SOD3: variants seen among roughly 807,000 people sequenced by gnomAD.
SOD3 encodes the protein extracellular superoxide dismutase [Cu-Zn].
A neutral mutation model predicts 2.6 loss-of-function variants in SOD3; 3 were observed. The observed-to-expected ratio is 1.13, with a 90% CI of 0.52 to 2.93. The LOEUF is 2.93. SOD3 is among the 30% of genes most tolerant of loss of function. The pLI is 0.04. For synonymous variants in SOD3, 188 were observed against 177.5 expected, an observed-to-expected ratio of 1.06 and a Z score of -0.47; for missense variants, 379 against 370.4, an observed-to-expected ratio of 1.02 and a Z score of -0.19.
chr4:24,799,582 G>C lies in SOD3; in HGVS notation c.61G>C (p.Gly21Arg), dbSNP rs759591465. 4.4e-6 allele frequency: 7 copies of C among 1,603,340 alleles called. No homozygotes were observed. In the South Asian group the frequency reaches 7.7e-5, roughly 18 times the overall value. Reference sequence around the variant, plus strand: ...AGCCGGTGCCTCGGACGCCTGGACGGGCGAGGACTCGGCGGAGCCCAACTC... The same window carrying C: ...AGCCGGTGCCTCGGACGCCTGGACGCGCGAGGACTCGGCGGAGCCCAACTC... The part of the protein sequence containing the change: ...LAAGASDAWT[G>R]EDSAEPNSDS... The change falls in exon 2 of 2, where the codon GGC becomes CGC. Residue 21 changes from glycine (G) to arginine (R), a missense_variant. Coordinates refer to ENST00000382120, the MANE Select transcript of SOD3 (RefSeq NM_003102.4).
chr4:24,796,992 C>A (rs1425336160), intron 1 of SOD3, among the ~76,000 whole-genome samples: 1 of 152,144 alleles, frequency 6.6e-6, no homozygotes, highest in East Asian at 1.9e-4. Flanking sequence ...TTCCTGCCTA[C>A]TCCCTGGGGC....
At chr4:24,798,056 C>T (rs757189163) in intron 1 of SOD3, among the ~76,000 whole-genome samples, 41 of 151,412 alleles carry the variant, frequency 2.7e-4, no homozygotes, top group Non-Finnish European at 5.1e-4. Context: ...TTCTTTCTTT[C>T]CTCTTTCTTT....
At position 24,800,237 on chromosome 4, in the gene SOD3, C is replaced by G. The variant is rs752123942; in HGVS notation, c.716C>G (p.Ala239Gly). The change falls in exon 2 of 2, where the codon GCC becomes GGC. Residue 239 changes from alanine (A) to glycine (G), a missense_variant. Ala to Gly is a moderately conservative substitution (Grantham distance 60). Transcript: ENST00000382120. ...CGGCGGCGCGAGAGCGAGTGCAAGG[C>G]CGCCTGAGCGCGGCCCCCACCCGGC... ...KKRRRESECK[A>G]A 7 of 1,402,766 alleles carry G rather than the reference C, an allele frequency of 5.0e-6. 1 individual carries two copies. In the South Asian group the frequency reaches 1.1e-4, roughly 23 times the overall value. The allele number at this position is 1,402,766 out of a possible 1,614,324, so 86.9% of individuals were successfully genotyped here.
intron 1 of SOD3, among the ~76,000 whole-genome samples, chr4:24,796,518 A>G (rs1331907770): frequency 7.8e-6 from 1 of 127,480 alleles, no homozygotes; most frequent in African/African-American, 3.0e-5. Flanking sequence ...TGGCACGATC[A>G]CTATCACGGC....
intron 1 of SOD3, among the ~76,000 whole-genome samples, chr4:24,798,224 G>A (rs996185545): frequency 6.6e-6 from 1 of 151,942 alleles, no homozygotes; most frequent in Non-Finnish European, 1.5e-5. Flanking sequence ...TCTTCTAAGT[G>A]CCAGACCCAA....
Position 24,799,624 on chromosome 4 carries a change from A to T in SOD3, c.103A>T (p.Ile35Phe). Residue 35 changes from isoleucine to phenylalanine, a missense_variant, in exon 2 of 2, where the codon ATC (isoleucine) becomes TTC (phenylalanine). Transcript: ENST00000382120. ...GCCCAACTCTGACTCGGCGGAGTGG[A>T]TCCGAGACATGTACGCCAAGGTCAC... ...AEPNSDSAEW[I>F]RDMYAKVTEI... 6.2e-7 allele frequency: 1 copy of T among 1,604,970 alleles called. No individual in the cohort carries two copies. Among genetic ancestry groups the T allele is most frequent in the Non-Finnish European group, 8.5e-7 (1 of 1,178,476 alleles).
In SOD3 at chr4:24,800,139, C is replaced by T; in HGVS notation, c.618C>T (p.Ala206=). 7.2e-7 allele frequency: 1 copy of T among 1,385,694 alleles called. No individual in the cohort carries two copies. Among genetic ancestry groups the T allele is most frequent in the African/African-American group, 1.5e-5 (1 of 65,602 alleles). The allele number at this position is 1,385,694 out of a possible 1,614,324, so 85.8% of individuals were successfully genotyped here. A position where few individuals can be genotyped will look rare whatever the true frequency, so the allele number is the denominator to read the frequency against. The change falls in exon 2 of 2, where the codon GCC becomes GCT. Residue 206 remains alanine (A), a synonymous_variant. Transcript: ENST00000382120. ...VENGNAGRRL[A]CCVVGVCGPG... ...ACGGGAACGCGGGCCGGCGGCTGGCCTGCTGCGTGGTGGGCGTGTGCGGGC... is the reference window on the plus strand; with the variant it reads ...ACGGGAACGCGGGCCGGCGGCTGGCTTGCTGCGTGGTGGGCGTGTGCGGGC...
rs1219612902 is a variant in SOD3 at position 24,799,970 on chromosome 4, C to T, written c.449C>T (p.Ala150Val). 1 of 1,585,266 alleles carries T rather than the reference C, an allele frequency of 6.3e-7. No homozygotes were observed. Among genetic ancestry groups the T allele is most frequent in the Admixed American group, 1.7e-5 (1 of 58,446 alleles). ...PQHPGDFGNF[A>V]VRDGSLWRYR... is the part of the protein sequence containing the mutation. Reference sequence around the variant, plus strand: ...CACCCGGGCGACTTCGGCAACTTCGCGGTCCGCGACGGCAGCCTCTGGAGG... The same window carrying T: ...CACCCGGGCGACTTCGGCAACTTCGTGGTCCGCGACGGCAGCCTCTGGAGG... The change falls in exon 2 of 2, where the codon GCG (alanine) becomes GTG (valine). Residue 150 changes from alanine (A) to valine (V), a missense_variant. By Grantham distance (64) the Ala-to-Val change is moderately conservative. Transcript: ENST00000382120.
At chr4:24,796,582 G>T (rs1358086327) in intron 1 of SOD3, among the ~76,000 whole-genome samples, 1 of 148,884 alleles carries the variant, frequency 6.7e-6, no homozygotes, top group Non-Finnish European at 1.5e-5. Context: ...TCAACCTCCT[G>T]AGTAACTGGG....
chr4:24,796,513 C>T (rs887403366), intron 1 of SOD3, among the ~76,000 whole-genome samples: 7 of 135,582 alleles, frequency 5.2e-5, no homozygotes, highest in African/African-American at 1.4e-4. Flanking sequence ...TGTAGTGGCA[C>T]GATCACTATC....
intron 1 of SOD3, among the ~76,000 whole-genome samples, chr4:24,798,397 G>A (rs1713734332): frequency 6.6e-6 from 1 of 152,104 alleles, no homozygotes; most frequent in African/African-American, 2.4e-5. Context: ...CATCTGCACT[G>A]TGCCTTCATC....
chr4:24,800,164 C>A lies in SOD3; in HGVS notation c.643C>A (p.Pro215Thr). 2.8e-6 allele frequency: 4 copies of A among 1,415,814 alleles called. No homozygotes were observed. The highest frequency in any genetic ancestry group is 3.1e-5 in the Admixed American group (1 of 32,306). 87.7% of individuals were successfully genotyped at this position (1,415,814 alleles called of 1,614,324 possible). ...LACCVVGVCG[P>T]GLWERQAREH... ...CTGCTGCGTGGTGGGCGTGTGCGGG[C>A]CCGGGCTCTGGGAGCGCCAGGCGCG... is the stretch of plus-strand genomic sequence containing the variant. Residue 215 changes from proline to threonine, a missense_variant, in exon 2 of 2, where the codon CCC becomes ACC. Physicochemically the swap from Pro to Thr is conservative, Grantham distance 38. Transcript: ENST00000382120.
rs141725493 is a variant in SOD3, at chr4:24,799,089, C to T, written c.-16-417C>T. Among the ~76,000 whole-genome samples the T allele has an allele frequency of 5.4e-3, 822 of 152,178 alleles. 6 individuals are homozygous for T. The highest frequency in any genetic ancestry group is 5.6e-3 in the Non-Finnish European group (384 of 68,020). On this transcript the variant is annotated intron_variant, in intron 1 of 1. Transcript: ENST00000382120. ...GTAGCACATGCAAAGCCCCAGAAGGCAGGGACAGAAGCCTTAGGGATGTCT... is the reference window on the plus strand; with the variant it reads ...GTAGCACATGCAAAGCCCCAGAAGGTAGGGACAGAAGCCTTAGGGATGTCT...
chr4:24,798,438 T>G (rs1270467568), intron 1 of SOD3, among the ~76,000 whole-genome samples: 1 of 152,090 alleles, frequency 6.6e-6, no homozygotes, highest in Non-Finnish European at 1.5e-5. Flanking sequence ...CCGGTGTGTC[T>G]CTTAAACCCA....
intron 1 of SOD3, among the ~76,000 whole-genome samples, chr4:24,797,899 A>G (rs1560189323): frequency 6.6e-6 from 1 of 152,202 alleles, no homozygotes; most frequent in East Asian, 1.9e-4. Context: ...GCCTTATTCT[A>G]CAGGTAAGGA....
At position 24,799,710 on chromosome 4, in the gene SOD3, C is replaced by A; in HGVS notation, c.189C>A (p.Cys63Ter). The change falls in exon 2 of 2, where the codon TGC becomes TGA. Residue 63 changes from cysteine to a stop codon, truncating the protein, a stop_gained. Coordinates refer to ENST00000382120, the MANE Select transcript of SOD3 (RefSeq NM_003102.4). LOFTEE classifies it high-confidence loss of function. Reference sequence around the variant, plus strand: ...ACGACGGCGCGCTCCACGCCGCCTGCCAGGTGCAGCCGTCGGCCACGCTGG... The same window carrying A: ...ACGACGGCGCGCTCCACGCCGCCTGACAGGTGCAGCCGTCGGCCACGCTGG... ...RDDDGALHAACQVQPSATLDA... is the reference protein window; with the variant it reads ...RDDDGALHAA The A allele has an allele frequency of 6.4e-7, 1 of 1,569,974 alleles. No homozygotes were observed.
chr4:24,799,581 G>T lies in SOD3; in HGVS notation c.60G>T (p.Thr20=), dbSNP rs760354348. The T allele has an allele frequency of 3.1e-6, 5 of 1,603,008 alleles. No homozygotes were observed. Among genetic ancestry groups the T allele is most frequent in the Non-Finnish European group, 3.4e-6 (4 of 1,178,834 alleles). ...CAGCCGGTGCCTCGGACGCCTGGAC[G>T]GGCGAGGACTCGGCGGAGCCCAACT... The part of the protein sequence containing the change: ...LLAAGASDAW[T]GEDSAEPNSD... Residue 20 remains threonine (T), a synonymous_variant, in exon 2 of 2, where the codon ACG becomes ACT. Coordinates refer to ENST00000382120, the MANE Select transcript of SOD3 (RefSeq NM_003102.4).
intron 1 of SOD3, 95 bp from the exon 2 acceptor site, chr4:24,799,411 G>C: frequency 1.4e-6 from 2 of 1,414,768 alleles, no homozygotes; most frequent in Non-Finnish European, 1.9e-6. Flanking sequence ...ACTGGGGACT[G>C]GGGGGTTGGT....
chr4:24,800,602 C>T lies in SOD3; in HGVS notation c.*358C>T. 1 of 188,780 alleles carries T rather than the reference C, an allele frequency of 5.3e-6. No individual in the cohort carries two copies. The highest frequency in any genetic ancestry group is 1.5e-4 in the East Asian group (1 of 6,662). The allele number at this position is 188,780 out of a possible 1,614,324, so 11.7% of individuals were successfully genotyped here. On this transcript the variant is annotated 3_prime_UTR_variant, in exon 2 of 2. Coordinates refer to ENST00000382120, the MANE Select transcript of SOD3 (RefSeq NM_003102.4). ...TCCCGCCTTTGACCTGACGATCTTC[C>T]CCCTTCCCGCCTTCAGGTTCCTCCT...
Sources: allele counts gnomAD v4.1 joint callset (sites outside exome capture counted in the v4.1 genomes callset), GRCh38; gene constraint gnomAD v4.1.1; transcripts MANE v1.5; gene names NCBI Gene and HGNC (gene_info 2026-07-23, HGNC 2026-07-21).